WDR1: variants seen among roughly 807,000 people sequenced by gnomAD.
WDR1 encodes WD repeat-containing protein 1.
WDR1 carries 21 observed loss-of-function variants against 71.9 expected under a neutral mutation model. The ratio of observed to expected loss-of-function variants is 0.29; its 90% CI spans 0.21 to 0.42. The LOEUF (loss-of-function observed/expected upper bound fraction) is 0.42. WDR1 is among the 10% of genes least tolerant of loss of function. WDR1 has a pLI of 1.00. For missense variants in WDR1, 696 were observed against 824.5 expected, an observed-to-expected ratio of 0.84 and a Z score of 1.91; for synonymous variants, 424 against 347.4, an observed-to-expected ratio of 1.22 and a Z score of -2.45.
rs571421688 is a variant in WDR1 at position 10,074,444 on chromosome 4, T to C, written c.*934A>G. 2 of 152,776 alleles carry C rather than the reference T, an allele frequency of 1.3e-5. No homozygotes were observed. The highest frequency in any genetic ancestry group is 4.8e-5 in the African/African-American group (2 of 41,584). The allele number at this position is 152,776 out of a possible 1,614,324, so 9.5% of individuals were successfully genotyped here. On this transcript the variant is annotated 3_prime_UTR_variant, in exon 15 of 15. Coordinates refer to ENST00000499869, the MANE Select transcript of WDR1 (RefSeq NM_017491.5). ...ATTGTTCTCAGCCAACATTTACCAG[T>C]GATTCCGACACACGCAAAAACACTC...
intron 3 of WDR1, among the ~76,000 whole-genome samples, chr4:10,101,383 GC>G (rs1420069106): frequency 6.6e-6 from 1 of 152,206 alleles, no homozygotes; most frequent in East Asian, 1.9e-4. Context: ...CTCTTTCTCA[GC>G]CCCCTTCTCC....
intron 3 of WDR1, among the ~76,000 whole-genome samples, chr4:10,102,759 C>G (rs977387304): frequency 6.6e-6 from 1 of 152,206 alleles, no homozygotes; most frequent in Non-Finnish European, 1.5e-5. Flanking sequence ...ATGGTACAAG[C>G]ATAGGGCCAC....
rs1428975329 is a variant in WDR1, at chr4:10,087,753, T to C, written c.905A>G (p.Asn302Ser). Reference sequence around the variant, plus strand: ...GCTGGGGTTGTTTCTGTCCAGATAGTTGATGTACCCGGACAGGGAGACACT... The same window carrying C: ...GCTGGGGTTGTTTCTGTCCAGATAGCTGATGTACCCGGACAGGGAGACACT... ...LLSVSLSGYI[N>S]YLDRNNPSKP... The change falls in exon 8 of 15, where the codon AAC becomes AGC. Residue 302 changes from asparagine (N) to serine (S), a missense_variant. Transcript: ENST00000499869. 3 of 1,602,892 alleles carry C rather than the reference T, an allele frequency of 1.9e-6. No individual in the cohort carries two copies. The highest frequency in any genetic ancestry group is 1.6e-4 in the Middle Eastern group (1 of 6,062).
At chr4:10,088,029 GAGT>G in intron 7 of WDR1, 89 bp from the exon 8 acceptor site, 1 of 1,275,252 alleles carries the variant, frequency 7.8e-7, no homozygotes, top group Non-Finnish European at 1.1e-6. Context: ...GCGACTGTTT[GAGT>G]AGGACAGAAG....
intron 5 of WDR1, chr4:10,096,406 G>A (rs923233290): frequency 3.3e-5 from 5 of 152,266 alleles, no homozygotes; most frequent in African/African-American, 9.7e-5. Flanking sequence ...AAATAGCCAG[G>A]TCTCCACTAC....
chr4:10,103,860 C>T (rs1419052657), intron 3 of WDR1, 36 bp downstream of exon 3: 5 of 1,551,536 alleles, frequency 3.2e-6, no homozygotes, highest in Non-Finnish European at 4.4e-6. Context: ...ACCCAGGCCC[C>T]CACAGGTGTC....
chr4:10,097,916 GAC>G, intron 4 of WDR1, 25 bp from the exon 5 acceptor site: 402 of 903,780 alleles, frequency 4.4e-4, no homozygotes, highest in South Asian at 3.4e-3. Context: ...ACAGGTGGAA[GAC>G]AAAAAAAAAA....
At chr4:10,088,857 G>C (rs1711777376) in intron 5 of WDR1, 116 bp from the exon 6 acceptor site, 2 of 812,370 alleles carry the variant, frequency 2.5e-6, no homozygotes, top group African/African-American at 1.7e-5. Context: ...TGAACTGTTA[G>C]TCCACTGGAA....
chr4:10,108,548 C>G (rs1028230301), intron 2 of WDR1, among the ~76,000 whole-genome samples: 1 of 152,228 alleles, frequency 6.6e-6, no homozygotes, highest in Non-Finnish European at 1.5e-5. Flanking sequence ...GCGTGAGCTT[C>G]CAGTCAGGGC....
At chr4:10,115,789 A>T (rs1481362758) in intron 2 of WDR1, 1 of 228,730 alleles carries the variant, frequency 4.4e-6, no homozygotes, top group East Asian at 1.1e-4. Flanking sequence ...GAATGAACTA[A>T]TCTAATCTCC....
intron 5 of WDR1, chr4:10,092,420 G>C (rs1006473625): frequency 6.5e-6 from 1 of 152,718 alleles, no homozygotes; most frequent in Non-Finnish European, 1.5e-5. Context: ...CCAGAAGCGA[G>C]GACATTCCTG....
At chr4:10,077,528 T>G in intron 13 of WDR1, 80 bp from the exon 14 acceptor site, 1 of 1,594,016 alleles carries the variant, frequency 6.3e-7, no homozygotes, top group Non-Finnish European at 8.6e-7. Context: ...TTATCCCTCA[T>G]GGCGACAATA....
rs1765072395 is a variant in WDR1 at position 10,082,965 on chromosome 4, G to A, written c.1196+57C>T. 3 of 1,557,234 alleles carry A rather than the reference G, an allele frequency of 1.9e-6. No homozygotes were observed. In the East Asian group the frequency reaches 6.8e-5, roughly 35 times the overall value. ...GAACAGTAACTGCTGGAGGGCACAA[G>A]CCCTCCGAGGGGAGCTGAGGCTCAT... On this transcript the variant is annotated intron_variant, in intron 10 of 14. Transcript: ENST00000499869.
Position 10,116,640 on chromosome 4 carries a change from G to T in WDR1, c.16+11C>A. 2 of 1,287,212 alleles carry T rather than the reference G, an allele frequency of 1.6e-6. No individual in the cohort carries two copies. The highest frequency in any genetic ancestry group is 2.0e-6 in the Non-Finnish European group (2 of 1,011,228). The allele number at this position is 1,287,212 out of a possible 1,614,324, so 79.7% of individuals were successfully genotyped here. On this transcript the variant is annotated intron_variant, in intron 1 of 14. Coordinates refer to ENST00000499869, the MANE Select transcript of WDR1 (RefSeq NM_017491.5). ...GGCGGCCGCTCGGGGGCCCCGCGCCGCGGCACTTACTGATCTCGTACGGCA... is the reference window on the plus strand; with the variant it reads ...GGCGGCCGCTCGGGGGCCCCGCGCCTCGGCACTTACTGATCTCGTACGGCA...
At chr4:10,087,987 GGA>G (rs1455148077) in intron 7 of WDR1, 47 bp from the exon 8 acceptor site, 15 of 1,495,372 alleles carry the variant, frequency 1.0e-5, no homozygotes, top group African/African-American at 1.4e-5. Context: ...ACTACAGACT[GGA>G]GAGAGACCCC....
intron 3 of WDR1, among the ~76,000 whole-genome samples, chr4:10,100,883 C>T (rs1217050405): frequency 6.6e-6 from 1 of 152,196 alleles, no homozygotes; most frequent in African/African-American, 2.4e-5. Context: ...TCCACACATG[C>T]ACACATGTCC....
chr4:10,099,524 G>A (rs1578438140), intron 3 of WDR1, among the ~76,000 whole-genome samples: 1 of 152,376 alleles, frequency 6.6e-6, no homozygotes, highest in East Asian at 1.9e-4. Context: ...TCTTGTAGGG[G>A]CATCAGAATG....
At chr4:10,106,782 A>G (rs1203377634) in intron 2 of WDR1, among the ~76,000 whole-genome samples, 3 of 152,030 alleles carry the variant, frequency 2.0e-5, no homozygotes, top group African/African-American at 7.3e-5. Context: ...AGATACTCCA[A>G]ACTGCAGATA....
intron 5 of WDR1, among the ~76,000 whole-genome samples, chr4:10,097,279 G>C (rs899073057): frequency 6.6e-6 from 1 of 152,254 alleles, no homozygotes; most frequent in East Asian, 1.9e-4. Context: ...CTTTGCAGGC[G>C]CATCACTGCC....
Sources: allele counts gnomAD v4.1 joint callset (sites outside exome capture counted in the v4.1 genomes callset), GRCh38; gene constraint gnomAD v4.1.1; transcripts MANE v1.5; gene names NCBI Gene and HGNC (gene_info 2026-07-23, HGNC 2026-07-21).